Variants in CDC20B observed in about 807,000 individuals in gnomAD.
CDC20B encodes the protein cell division cycle 20B.
Under a neutral mutation model 64.1 loss-of-function variants are expected in CDC20B, and 58 were observed. That is an observed-to-expected ratio of 0.90 (90% confidence interval 0.73 to 1.13). CDC20B has a LOEUF of 1.13. Among genes scored for constraint, CDC20B ranks in the 50% most tolerant of loss-of-function variants. CDC20B has a pLI of 0.00. For missense variants in CDC20B, 597 were observed against 633.0 expected (o/e 0.94, Z 0.61); for synonymous variants, 243 against 230.6 (o/e 1.05, Z -0.49).
At chr5:55,158,242 G>C (rs770241735) in intron 2 of CDC20B, among the ~76,000 whole-genome samples, 1 of 152,162 alleles carries the variant, frequency 6.6e-6, no homozygotes, top group African/African-American at 2.4e-5. Context: ...CACTTAGAGA[G>C]CAAGGCCAGA....
chr5:55,154,174 C>T (rs336087), intron 2 of CDC20B, among the ~76,000 whole-genome samples: 98,360 of 151,854 alleles, frequency 0.65, 32,047 homozygotes, highest in Admixed American at 0.72. Flanking sequence ...GGGACAACAC[C>T]CCAGCACATC....
chr5:55,120,540 C>A lies in CDC20B; in HGVS notation c.1226G>T (p.Trp409Leu). ...AAGGACCCCAGACTGCCAGGGACAC[C>A]AATCCATGGCCTTTAAAGTTTCACA... ...TQSTAVKAMD[W>L]CPWQSGVLAI... The change falls in exon 10 of 12, where the codon TGG (tryptophan) becomes TTG (leucine). Residue 409 changes from tryptophan to leucine, a missense_variant. Physicochemically the swap from Trp to Leu is moderately conservative, Grantham distance 61. Around this residue, in one of 3 missense-constraint regions of CDC20B, gnomAD observed 353 missense variants for 397.0 expected, o/e 0.89. Transcript: ENST00000381375. 2 of 1,613,480 alleles carry A rather than the reference C, an allele frequency of 1.2e-6. No homozygotes were observed. The highest frequency in any genetic ancestry group is 1.7e-5 in the Admixed American group (1 of 59,982).
intron 3 of CDC20B, 94 bp downstream of exon 3, chr5:55,146,534 T>C: frequency 1.2e-6 from 1 of 814,772 alleles, no homozygotes; most frequent in South Asian, 1.7e-5. Flanking sequence ...TGACTCAAAG[T>C]GACACTCCTT....
In CDC20B at chr5:55,173,113, G is replaced by A; in HGVS notation, c.-113C>T. 1 of 856,746 alleles carries A rather than the reference G, an allele frequency of 1.2e-6. No individual in the cohort carries two copies. The highest frequency in any genetic ancestry group is 1.5e-5 in the South Asian group (1 of 65,822). The allele number at this position is 856,746 out of a possible 1,614,324, so 53.1% of individuals were successfully genotyped here. On this transcript the variant is annotated 5_prime_UTR_variant, in exon 1 of 12. It adds an upstream start codon to the 5' untranslated region. Transcript: ENST00000381375. ...CTAATCGTCAAACCCCTGGAGTCCC[G>A]TCCCCCAGGACCATTCTATTTCACC...
chr5:55,139,595 G>A (rs564871262), intron 5 of CDC20B, among the ~76,000 whole-genome samples: 2 of 152,148 alleles, frequency 1.3e-5, no homozygotes, highest in Admixed American at 6.5e-5. Context: ...AATTATACTA[G>A]AAAAGAAGCA....
intron 2 of CDC20B, chr5:55,164,133 A>G (rs381852): frequency 0.82 from 1,313,020 of 1,604,056 alleles, 538,493 homozygotes; most frequent in African/African-American, 0.89. Flanking sequence ...AAGTTCTGGA[A>G]GCCAGAGGAG....
rs376696799 is a variant in CDC20B, at chr5:55,167,345, A to G, written c.126+5243T>C. On this transcript the variant is annotated intron_variant, in intron 2 of 11. Transcript: ENST00000381375. ...ATTTTTTTAAATGTTTAACAATTACACTGTATCAATAGTATATATACGTGT... is the reference window on the plus strand; with the variant it reads ...ATTTTTTTAAATGTTTAACAATTACGCTGTATCAATAGTATATATACGTGT... 3.9e-5 allele frequency among the ~76,000 whole-genome samples: 6 copies of G among 152,336 alleles called. No individual in the cohort carries two copies. In the East Asian group the frequency reaches 1.2e-3, roughly 29 times the overall value.
In CDC20B at chr5:55,150,676, G is replaced by C. The variant is rs969886198; in HGVS notation, c.127-3820C>G. Among the ~76,000 whole-genome samples the C allele has an allele frequency of 2.0e-5, 3 of 152,280 alleles. No individual in the cohort carries two copies. In the East Asian group the frequency reaches 5.8e-4, roughly 29 times the overall value. ...TCTCAATCTCAGAAACCTTGACTAGGGGGCAGCAGGTAAGGTGATGAGTAA... is the reference window on the plus strand; with the variant it reads ...TCTCAATCTCAGAAACCTTGACTAGCGGGCAGCAGGTAAGGTGATGAGTAA... On this transcript the variant is annotated intron_variant, in intron 2 of 11. Transcript: ENST00000381375.
At chr5:55,145,413 G>T (rs1232644699) in intron 3 of CDC20B, among the ~76,000 whole-genome samples, 2 of 152,150 alleles carry the variant, frequency 1.3e-5, no homozygotes, top group Admixed American at 6.5e-5. Context: ...TAATAAATAC[G>T]CTGATAGTCA....
chr5:55,152,366 T>C (rs1184738846), intron 2 of CDC20B, among the ~76,000 whole-genome samples: 5 of 152,258 alleles, frequency 3.3e-5, no homozygotes. Context: ...CATGACCACC[T>C]TGTGCTAATA....
intron 2 of CDC20B, among the ~76,000 whole-genome samples, chr5:55,158,740 T>A (rs530962198): frequency 1.5e-4 from 23 of 152,326 alleles, no homozygotes; most frequent in African/African-American, 4.3e-4. Context: ...CAGAGCAGAA[T>A]TGAAAGTGAA....
intron 3 of CDC20B, among the ~76,000 whole-genome samples, chr5:55,146,327 C>T (rs1435756348): frequency 3.3e-5 from 5 of 152,180 alleles, no homozygotes; most frequent in South Asian, 2.1e-4. Flanking sequence ...AAATGCTGCC[C>T]GCCCCCACAT....
rs778633084 is a variant in CDC20B, at chr5:55,172,671, T to A, written c.64-21A>T. On this transcript the variant is annotated intron_variant, in intron 1 of 11. Coordinates refer to ENST00000381375, the MANE Select transcript of CDC20B (RefSeq NM_001170402.1). ...CTTTCCTTTGAAAACACAGATAACA[T>A]ATTGAGGGAGAAACTATTTAGGAAA... The A allele has an allele frequency of 2.6e-6, 4 of 1,556,430 alleles. No homozygotes were observed. The African/African-American group carries it at 5.4e-5, about 21-fold the overall frequency.
Position 55,133,401 on chromosome 5 carries a change from T to A in CDC20B, c.697+11A>T. On this transcript the variant is annotated intron_variant, in intron 6 of 11. Coordinates refer to ENST00000381375, the MANE Select transcript of CDC20B (RefSeq NM_001170402.1). ...TTCAACTTTTAATTCCCAATCTAAA[T>A]GATAACTTACAGTAGTCATTTCGAA... 7.4e-7 allele frequency: 1 copy of A among 1,343,458 alleles called. No homozygotes were observed. 83.2% of individuals were successfully genotyped at this position (1,343,458 alleles called of 1,614,324 possible). A position where few individuals can be genotyped will look rare whatever the true frequency, so the allele number is the denominator to read the frequency against.
chr5:55,164,105 C>G (rs1314591448), intron 2 of CDC20B: 4 of 1,602,338 alleles, frequency 2.5e-6, no homozygotes, highest in East Asian at 2.2e-5. Flanking sequence ...TCTTGTCAAC[C>G]CTGAGGGTCA....
chr5:55,142,041 T>C (rs909289267), intron 4 of CDC20B, among the ~76,000 whole-genome samples: 5 of 152,194 alleles, frequency 3.3e-5, no homozygotes, highest in Non-Finnish European at 7.3e-5. Context: ...CTCACTTCTT[T>C]AGAATCCCAC....
At chr5:55,119,113 A>T (rs1226538389) in intron 11 of CDC20B, among the ~76,000 whole-genome samples, 1 of 152,214 alleles carries the variant, frequency 6.6e-6, no homozygotes, top group East Asian at 1.9e-4. Context: ...GAGGAAAAAG[A>T]CGGGATATAT....
intron 2 of CDC20B, among the ~76,000 whole-genome samples, chr5:55,149,491 G>T (rs186789651): frequency 1.3e-5 from 2 of 152,258 alleles, no homozygotes; most frequent in South Asian, 4.1e-4. Flanking sequence ...ATCATGGGAC[G>T]TATCTACATA....
chr5:55,114,025 A>G lies in CDC20B; in HGVS notation c.*193T>C, dbSNP rs1742567249. 2.0e-6 allele frequency: 2 copies of G among 984,364 alleles called. No homozygotes were observed. Among genetic ancestry groups the G allele is most frequent in the East Asian group, 6.0e-5 (2 of 33,368 alleles). The allele number at this position is 984,364 out of a possible 1,614,324, so 61.0% of individuals were successfully genotyped here. A position where few individuals can be genotyped will look rare whatever the true frequency, so the allele number is the denominator to read the frequency against. On this transcript the variant is annotated 3_prime_UTR_variant, in exon 12 of 12. Transcript: ENST00000381375. The surrounding 1 kb of genome is among the most constrained non-coding windows in gnomAD (Gnocchi z 4.1). ...GAGGGGCAGAAAGAAGAAAGCAGAG[A>G]AGAAAAGAAGCGGATCTCTGGGAAG... is the stretch of plus-strand genomic sequence containing the variant.
Sources: gnomAD v4.1 joint callset for allele counts (sites outside exome capture counted in the v4.1 genomes callset) on GRCh38, gnomAD v4.1.1 for gene constraint, gnomAD v4.1.1 regional missense constraint, Gnocchi (gnomAD v3.1) non-coding constraint, MANE v1.5 for transcripts, NCBI Gene and HGNC (gene_info 2026-07-23, HGNC 2026-07-21) for gene names.